KDM2B: variants seen among roughly 807,000 people sequenced by gnomAD.
The protein encoded by KDM2B is lysine-specific demethylase 2B.
In KDM2B, 26 loss-of-function variants were observed where a neutral mutation model predicts 150.0. That is an observed-to-expected ratio of 0.17 (90% confidence interval 0.13 to 0.24). KDM2B has a LOEUF of 0.24. KDM2B is among the 10% of genes least tolerant of loss of function. The probability of loss-of-function intolerance (pLI) is 1.00; values close to 1 mark genes in which losing one functional copy is unlikely to be tolerated. For synonymous variants in KDM2B, 734 were observed against 729.5 expected (o/e 1.01, Z -0.10); for missense variants, 1,265 against 1,816.9 (o/e 0.70, Z 5.52).
rs1451616484 is a variant in KDM2B at position 121,516,227 on chromosome 12, T to C, written c.1048-2825A>G. 10 of 282,476 alleles carry C rather than the reference T, an allele frequency of 3.5e-5. No homozygotes were observed. In the East Asian group the frequency reaches 9.7e-4, roughly 27 times the overall value. The allele number at this position is 282,476 out of a possible 1,614,324, so 17.5% of individuals were successfully genotyped here. On this transcript the variant is annotated intron_variant, in intron 9 of 22. Transcript: ENST00000377071. ...GACTTTTCAAATCTTTTTGACACCTTCCGAGCCATTCTGCTCGGACACCAT... is the reference window on the plus strand; with the variant it reads ...GACTTTTCAAATCTTTTTGACACCTCCCGAGCCATTCTGCTCGGACACCAT...
the KDM2B span, among the ~76,000 whole-genome samples, chr12:121,410,199 C>T: frequency 6.6e-6 from 1 of 151,262 alleles, no homozygotes; most frequent in African/African-American, 2.4e-5. Flanking sequence ...ACTGGGATGC[C>T]AGGAAATATG....
the KDM2B span, among the ~76,000 whole-genome samples, chr12:121,421,587 T>C: frequency 3.3e-5 from 5 of 152,170 alleles, no homozygotes; most frequent in South Asian, 1.0e-3. Context: ...TTGATGAAAT[T>C]TGGCACAGAA....
chr12:121,424,661 A>G (rs1048756263), downstream of KDM2B, among the ~76,000 whole-genome samples: 2 of 151,630 alleles, frequency 1.3e-5, no homozygotes, highest in Non-Finnish European at 2.9e-5. Flanking sequence ...CAGTGAGCCA[A>G]GATCACACCA....
In KDM2B at chr12:121,467,260, GCC is replaced by G. The variant is rs1566302461; in HGVS notation, c.1735-13918_1735-13917del. 1 of 984,224 alleles carries G rather than the reference GCC, an allele frequency of 1.0e-6. No homozygotes were observed. Among genetic ancestry groups the G allele is most frequent in the Non-Finnish European group, 1.2e-6 (1 of 830,334 alleles). 61.0% of individuals were successfully genotyped at this position (984,224 alleles called of 1,614,324 possible). A position where few individuals can be genotyped will look rare whatever the true frequency, so the allele number is the denominator to read the frequency against. ...CGCGCGCTGACATGGCTGGAGCGGC[GCC>G]GCCGCCGCCGCCCGCCCGGAGCAGG... On this transcript the variant is annotated intron_variant, in intron 12 of 22. Coordinates refer to ENST00000377071, the MANE Select transcript of KDM2B (RefSeq NM_032590.5). The surrounding 1 kb of genome is among the most constrained non-coding windows in gnomAD (Gnocchi z 5.1).
chr12:121,545,982 C>T (rs1245861462), intron 6 of KDM2B, among the ~76,000 whole-genome samples: 1 of 152,180 alleles, frequency 6.6e-6, no homozygotes, highest in Non-Finnish European at 1.5e-5. Context: ...CCTTCAGACT[C>T]CAGCTCAGAA....
chr12:121,449,144 G>A (rs1418427769), intron 13 of KDM2B, among the ~76,000 whole-genome samples: 1 of 151,754 alleles, frequency 6.6e-6, no homozygotes, highest in African/African-American at 2.4e-5. Context: ...GGCAGGATGG[G>A]AGGCGGTGCC....
chr12:121,506,666 G>A (rs1036371232), intron 11 of KDM2B, among the ~76,000 whole-genome samples: 10 of 151,990 alleles, frequency 6.6e-5, no homozygotes, highest in East Asian at 1.9e-4. Flanking sequence ...GACCAGGCGC[G>A]GTGGCTCACA....
chr12:121,506,710 G>T (rs1453817207), intron 11 of KDM2B, among the ~76,000 whole-genome samples: 1 of 152,098 alleles, frequency 6.6e-6, no homozygotes, highest in East Asian at 1.9e-4. Flanking sequence ...GGCCGAGGCG[G>T]GCGAATCACC....
chr12:121,534,784 A>T, intron 6 of KDM2B, 194 bp from the exon 7 acceptor site: 2 of 556,464 alleles, frequency 3.6e-6, no homozygotes, highest in South Asian at 4.4e-5. Flanking sequence ...CAGGTGACAA[A>T]TCTCAAGCAC....
At chr12:121,462,251 G>A (rs936914070) in intron 12 of KDM2B, among the ~76,000 whole-genome samples, 1 of 151,984 alleles carries the variant, frequency 6.6e-6, no homozygotes, top group Non-Finnish European at 1.5e-5. Context: ...GATTTTACCA[G>A]AGTGTTGCAG....
Position 121,442,513 on chromosome 12 carries a change from C to G in KDM2B, c.2928G>C (p.Glu976Asp). ...TGGGCTCCTCGCCCTCGCTCTCAGGCTCCGACTTGATGGGCTGCTGGTTCT... is the reference window on the plus strand; with the variant it reads ...TGGGCTCCTCGCCCTCGCTCTCAGGGTCCGACTTGATGGGCTGCTGGTTCT... ...ANENQQPIKSEPESEGEEPKR... is the reference protein window; with the variant it reads ...ANENQQPIKSDPESEGEEPKR... The change falls in exon 19 of 23, where the codon GAG becomes GAC. Residue 976 changes from glutamate (E) to aspartate (D), a missense_variant. This residue lies in a region of KDM2B where 418 missense variants were observed against 402.4 expected (regional missense o/e 1.04). Transcript: ENST00000377071. The surrounding 1 kb of genome is among the most constrained non-coding windows in gnomAD (Gnocchi z 7.7). 1 of 1,599,608 alleles carries G rather than the reference C, an allele frequency of 6.3e-7. No individual in the cohort carries two copies. Among genetic ancestry groups the G allele is most frequent in the Non-Finnish European group, 8.5e-7 (1 of 1,179,864 alleles).
chr12:121,413,136 CT>C, the KDM2B span, among the ~76,000 whole-genome samples: 28,871 of 151,880 alleles, frequency 0.19, 4,214 homozygotes, highest in African/African-American at 0.41. Flanking sequence ...AGCGATTCTC[CT>C]GCCTCGGCCT....
In KDM2B at chr12:121,549,307, C is replaced by T. The variant is rs1889307536; in HGVS notation, c.576+153G>A. On this transcript the variant is annotated intron_variant, in intron 5 of 22. Coordinates refer to ENST00000377071, the MANE Select transcript of KDM2B (RefSeq NM_032590.5). This position sits in a 1 kb window ranked among gnomAD's most constrained non-coding sequence, Gnocchi z 4.4. Reference sequence around the variant, plus strand: ...TAGCAAGATCCCTGTCTCTACAAACCACGTTACCAACCTTAGTCACCCCTA... The same window carrying T: ...TAGCAAGATCCCTGTCTCTACAAACTACGTTACCAACCTTAGTCACCCCTA... 1.5e-6 allele frequency: 1 copy of T among 666,612 alleles called. No individual in the cohort carries two copies. The highest frequency in any genetic ancestry group is 2.5e-6 in the Non-Finnish European group (1 of 402,026). The allele number at this position is 666,612 out of a possible 1,614,324, so 41.3% of individuals were successfully genotyped here.
intron 4 of KDM2B, among the ~76,000 whole-genome samples, chr12:121,552,537 G>A (rs1160161499): frequency 9.9e-5 from 15 of 152,270 alleles, no homozygotes; most frequent in African/African-American, 3.1e-4. Flanking sequence ...GCCAAGTATG[G>A]TGGCACACGT....
intron 6 of KDM2B, among the ~76,000 whole-genome samples, chr12:121,542,937 C>T (rs570786767): frequency 7.9e-5 from 12 of 152,330 alleles, no homozygotes; most frequent in African/African-American, 2.4e-4. Context: ...ATGTCTTGCA[C>T]ATAAGATAAC....
At chr12:121,573,513 G>T (rs1482628145) in intron 4 of KDM2B, among the ~76,000 whole-genome samples, 2 of 151,564 alleles carry the variant, frequency 1.3e-5, no homozygotes, top group Non-Finnish European at 2.9e-5. Flanking sequence ...GGGCTCAAGC[G>T]ATCTGCCTGT....
chr12:121,580,432 C>A, intron 1 of KDM2B: 1 of 1,159,142 alleles, frequency 8.6e-7, no homozygotes, highest in South Asian at 3.0e-5. Flanking sequence ...GCGCCGTTAG[C>A]GCCGTGGCAT....
rs1276456783 is a variant in KDM2B, at chr12:121,442,696, G to T, written c.2745C>A (p.Pro915=). ...CCCCTTCGGTGCTGGGTCCCGCGGT[G>T]GGGGAGCTGGAGCGGGAGTGGTCGC... ...RESDHSRSSS[P]TAGPSTEGAE... The change falls in exon 19 of 23, where the codon CCC becomes CCA. Residue 915 remains proline (P), a synonymous_variant. Transcript: ENST00000377071. The surrounding 1 kb of genome is among the most constrained non-coding windows in gnomAD (Gnocchi z 7.7). The T allele has an allele frequency of 1.3e-6, 2 of 1,596,128 alleles. No homozygotes were observed. Among genetic ancestry groups the T allele is most frequent in the Admixed American group, 1.7e-5 (1 of 57,474 alleles).
At chr12:121,544,607 C>A (rs1888871809) in intron 6 of KDM2B, among the ~76,000 whole-genome samples, 1 of 149,526 alleles carries the variant, frequency 6.7e-6, no homozygotes, top group East Asian at 2.0e-4. Flanking sequence ...GAGTCTCCGT[C>A]CCCCCCCAAA....
Sources: allele counts gnomAD v4.1 joint callset (sites outside exome capture counted in the v4.1 genomes callset), GRCh38; gene constraint gnomAD v4.1.1; regional missense constraint gnomAD v4.1.1; non-coding constraint Gnocchi (gnomAD v3.1); transcripts MANE v1.5; gene names NCBI Gene and HGNC (gene_info 2026-07-23, HGNC 2026-07-21).